The following PIKFYVE variants were observed in gnomAD, a reference collection of about 807,000 sequenced individuals.
The protein encoded by PIKFYVE is phosphoinositide kinase, FYVE-type zinc finger containing.
Under a neutral mutation model 257.9 loss-of-function variants are expected in PIKFYVE, and 122 were observed. The observed-to-expected ratio is 0.47, with a 90% CI of 0.41 to 0.55. The LOEUF is 0.55. Among genes scored for constraint, PIKFYVE ranks in the 20% least tolerant of loss-of-function variants. PIKFYVE has a pLI of 0.00. For synonymous variants in PIKFYVE, 892 were observed against 868.9 expected (o/e 1.03, Z -0.47); for missense variants, 2,160 against 2,536.6 (o/e 0.85, Z 3.19).
chr2:208,302,829 C>T (rs1331646159), intron 10 of PIKFYVE, among the ~76,000 whole-genome samples: 1 of 152,138 alleles, frequency 6.6e-6, no homozygotes, highest in African/African-American at 2.4e-5. Context: ...CTTGTAATCC[C>T]AGCACTTTGG....
chr2:208,304,330 T>G lies in PIKFYVE; in HGVS notation c.1468+12T>G. 1 of 1,613,064 alleles carries G rather than the reference T, an allele frequency of 6.2e-7. No homozygotes were observed. Among genetic ancestry groups the G allele is most frequent in the African/African-American group, 1.3e-5 (1 of 75,044 alleles). ...CGATAATTTGGCTAGTGAGTTTAAC[T>G]TTCTAACATTTTAGTTTTGATGGGT... On this transcript the variant is annotated intron_variant, in intron 11 of 41. Transcript: ENST00000264380.
chr2:208,320,007 A>G (rs1391704992), intron 16 of PIKFYVE, among the ~76,000 whole-genome samples: 1 of 152,208 alleles, frequency 6.6e-6, no homozygotes, highest in Non-Finnish European at 1.5e-5. Context: ...TAAAGAGTAT[A>G]GAAGATCAAA....
In PIKFYVE at chr2:208,333,308, A is replaced by C; in HGVS notation, c.3964-7A>C. The C allele has an allele frequency of 6.2e-7, 1 of 1,613,398 alleles. No individual in the cohort carries two copies. Among genetic ancestry groups the C allele is most frequent in the Non-Finnish European group, 8.5e-7 (1 of 1,179,710 alleles). On this transcript the variant is annotated splice_polypyrimidine_tract_variant and splice_region_variant and intron_variant, in intron 23 of 41. Coordinates refer to ENST00000264380, the MANE Select transcript of PIKFYVE (RefSeq NM_015040.4). Reference sequence around the variant, plus strand: ...TGATTAGGTAAACTATTTTTGCTGAATTCCAGGTAACACCAGTTGTTGCTC... The same window carrying C: ...TGATTAGGTAAACTATTTTTGCTGACTTCCAGGTAACACCAGTTGTTGCTC...
At chr2:208,271,762 C>G in intron 2 of PIKFYVE, 71 bp downstream of exon 2, 1 of 1,444,184 alleles carries the variant, frequency 6.9e-7, no homozygotes, top group Non-Finnish European at 9.7e-7. Flanking sequence ...TCTCCAGTGG[C>G]TCACCATGAT....
intron 12 of PIKFYVE, chr2:208,305,397 C>T: frequency 9.2e-7 from 1 of 1,092,764 alleles, no homozygotes; most frequent in Non-Finnish European, 1.1e-6. Flanking sequence ...TTTGCCGTTA[C>T]CCAGTAACAT....
chr2:208,268,655 C>T (rs1241134573), intron 1 of PIKFYVE, among the ~76,000 whole-genome samples: 1 of 151,066 alleles, frequency 6.6e-6, no homozygotes, highest in Admixed American at 6.6e-5. Context: ...TACTTCCCAA[C>T]ACTTTTTGCT....
At chr2:208,274,294 CTGA>C (rs1255615569) in intron 3 of PIKFYVE, among the ~76,000 whole-genome samples, 1 of 152,156 alleles carries the variant, frequency 6.6e-6, no homozygotes, top group Non-Finnish European at 1.5e-5. Context: ...TCATGCTCTT[CTGA>C]TGAGTATGGG....
chr2:208,285,716 T>C lies in PIKFYVE; in HGVS notation c.614-10T>C. 6.2e-7 allele frequency: 1 copy of C among 1,611,268 alleles called. No individual in the cohort carries two copies. The highest frequency in any genetic ancestry group is 8.5e-7 in the Non-Finnish European group (1 of 1,177,514). The stretch of plus-strand genomic sequence containing the variant: ...ATTTCCTTGTTTTTGTTTTTGTTTT[T>C]TTCTCCTAGGAGACCTCCGAGCTTG... On this transcript the variant is annotated splice_polypyrimidine_tract_variant and intron_variant, in intron 5 of 41. Transcript: ENST00000264380.
At chr2:208,323,823 C>T (rs1696594450) in intron 17 of PIKFYVE, among the ~76,000 whole-genome samples, 1 of 152,154 alleles carries the variant, frequency 6.6e-6, no homozygotes, top group Non-Finnish European at 1.5e-5. Flanking sequence ...GAGATGGTAT[C>T]TCATTGTGGT....
Position 208,356,760 on chromosome 2 carries a change from G to A in PIKFYVE, c.*1455G>A, listed in dbSNP as rs1002775865. The stretch of plus-strand genomic sequence containing the variant: ...TGATCAGAAGTAGTAAACTATCTTT[G>A]AGGAAATACTGTAACCCCAGAATAT... On this transcript the variant is annotated 3_prime_UTR_variant, in exon 42 of 42. Transcript: ENST00000264380. 5 of 152,704 alleles carry A rather than the reference G, an allele frequency of 3.3e-5. No individual in the cohort carries two copies. Among genetic ancestry groups the A allele is most frequent in the Non-Finnish European group, 7.4e-5 (5 of 68,010 alleles). 9.5% of individuals were successfully genotyped at this position (152,704 alleles called of 1,614,324 possible). A position where few individuals can be genotyped will look rare whatever the true frequency, so the allele number is the denominator to read the frequency against.
chr2:208,305,918 T>C (rs1468293892), intron 12 of PIKFYVE, among the ~76,000 whole-genome samples: 1 of 152,222 alleles, frequency 6.6e-6, no homozygotes. Context: ...TTTAAACATA[T>C]AACTGTCTAA....
chr2:208,272,027 G>A (rs976171741), intron 2 of PIKFYVE, among the ~76,000 whole-genome samples: 4 of 152,118 alleles, frequency 2.6e-5, no homozygotes, highest in African/African-American at 9.7e-5. Context: ...GAGGTCAGGA[G>A]ATCAAGACCA....
chr2:208,285,580 T>C (rs1015162136), intron 5 of PIKFYVE, 146 bp from the exon 6 acceptor site: 11 of 683,436 alleles, frequency 1.6e-5, no homozygotes, highest in Non-Finnish European at 2.8e-5. Context: ...TTTTAAAATG[T>C]CTTTTTTTGA....
intron 35 of PIKFYVE, among the ~76,000 whole-genome samples, chr2:208,349,229 A>G (rs1458331025): frequency 6.6e-6 from 1 of 152,204 alleles, no homozygotes; most frequent in Non-Finnish European, 1.5e-5. Flanking sequence ...TTAGTATTCT[A>G]TAGGCTGCTT....
At chr2:208,269,768 C>G (rs1190438319) in intron 1 of PIKFYVE, 1 of 249,094 alleles carries the variant, frequency 4.0e-6, no homozygotes, top group East Asian at 9.3e-5. Flanking sequence ...TCCAGCTGAT[C>G]CTTGTTAAAC....
At chr2:208,331,128 T>C (rs959441147) in intron 23 of PIKFYVE, among the ~76,000 whole-genome samples, 5 of 152,132 alleles carry the variant, frequency 3.3e-5, no homozygotes, top group African/African-American at 1.2e-4. Context: ...GTATAATAAA[T>C]TCGAGCCTAT....
rs1361301041 is a variant in PIKFYVE at position 208,305,661 on chromosome 2, AC to A, written c.1636+649del. On this transcript the variant is annotated intron_variant, in intron 12 of 41. Transcript: ENST00000264380. ...GTAAAAGGAGAAAGAGGTAAACATTACTAAAATCTAACATAGCAGCACATAA... is the reference window on the plus strand; with the variant it reads ...GTAAAAGGAGAAAGAGGTAAACATTATAAAATCTAACATAGCAGCACATAA... 16 of 240,394 alleles carry A rather than the reference AC, an allele frequency of 6.7e-5. No homozygotes were observed. In the South Asian group the frequency reaches 2.2e-3, roughly 33 times the overall value. 14.9% of individuals were successfully genotyped at this position (240,394 alleles called of 1,614,324 possible). A position where few individuals can be genotyped will look rare whatever the true frequency, so the allele number is the denominator to read the frequency against.
Position 208,352,615 on chromosome 2 carries a change from C to G in PIKFYVE, c.5716-39C>G, listed in dbSNP as rs1181963564. ...TATTGGTATTAAATTATAAATAACC[C>G]TTTTTGATAAGAATTTATTTTGACC... On this transcript the variant is annotated intron_variant, in intron 38 of 41. Transcript: ENST00000264380. 2.5e-6 allele frequency: 4 copies of G among 1,605,324 alleles called. No individual in the cohort carries two copies. In the African/African-American group the frequency reaches 4.0e-5, roughly 16 times the overall value.
intron 34 of PIKFYVE, among the ~76,000 whole-genome samples, chr2:208,346,872 GT>G (rs1368875090): frequency 6.6e-6 from 1 of 152,076 alleles, no homozygotes; most frequent in Admixed American, 6.6e-5. Flanking sequence ...TTTCATTTTT[GT>G]TTGCATTTGA....
Sources: gnomAD v4.1 joint callset for allele counts (sites outside exome capture counted in the v4.1 genomes callset) on GRCh38, gnomAD v4.1.1 for gene constraint, MANE v1.5 for transcripts, NCBI Gene and HGNC (gene_info 2026-07-23, HGNC 2026-07-21) for gene names.